DLG2: variants seen among roughly 807,000 people sequenced by gnomAD.
DLG2 encodes the protein disks large homolog 2.
In DLG2, 45 loss-of-function variants were observed where a neutral mutation model predicts 132.5. The ratio of observed to expected loss-of-function variants is 0.34; its 90% CI spans 0.27 to 0.44. The LOEUF (loss-of-function observed/expected upper bound fraction) is 0.44, where lower values mean the gene tolerates loss of function less well. Ranked by LOEUF, DLG2 falls within the 20% of genes least tolerant of loss-of-function variation. The pLI is 1.00. For synonymous variants in DLG2, 424 were observed against 419.6 expected (o/e 1.01, Z -0.13); for missense variants, 1,045 against 1,196.9 (o/e 0.87, Z 1.87).
intron 8 of DLG2, among the ~76,000 whole-genome samples, chr11:84,239,198 T>A (rs2097196258): frequency 6.6e-6 from 1 of 152,170 alleles, no homozygotes; most frequent in Non-Finnish European, 1.5e-5. Context: ...TTATTATTAT[T>A]ATTTGAGACC....
intron 3 of DLG2, among the ~76,000 whole-genome samples, chr11:85,529,821 A>G (rs916788899): frequency 1.2e-4 from 19 of 152,196 alleles, no homozygotes; most frequent in African/African-American, 4.1e-4. Flanking sequence ...ATAAAACAAC[A>G]AAGGCTCCCA....
At chr11:84,922,538 C>G (rs1289739673) in intron 6 of DLG2, among the ~76,000 whole-genome samples, 1 of 152,102 alleles carries the variant, frequency 6.6e-6, no homozygotes, top group East Asian at 1.9e-4. Context: ...ACCAGCCCAC[C>G]CAGAGCTGAC....
At chr11:84,229,254 G>GA (rs2097056095) in intron 8 of DLG2, among the ~76,000 whole-genome samples, 1 of 152,090 alleles carries the variant, frequency 6.6e-6, no homozygotes, top group Admixed American at 6.5e-5. Context: ...CACAGAGAAA[G>GA]AAAATCAATG....
intron 23 of DLG2, among the ~76,000 whole-genome samples, chr11:83,472,069 C>G (rs1006201418): frequency 6.6e-6 from 1 of 152,100 alleles, no homozygotes; most frequent in South Asian, 2.1e-4. Flanking sequence ...AGAATCCAAA[C>G]CAGCTGTTTG....
intron 14 of DLG2, among the ~76,000 whole-genome samples, chr11:83,953,999 T>A (rs2086173215): frequency 6.6e-6 from 1 of 152,244 alleles, no homozygotes; most frequent in African/African-American, 2.4e-5. Context: ...AAATTACTAT[T>A]CAAATTTTAC....
At chr11:85,150,720 G>A (rs1305201018) in intron 5 of DLG2, among the ~76,000 whole-genome samples, 1 of 150,668 alleles carries the variant, frequency 6.6e-6, no homozygotes, top group Non-Finnish European at 1.5e-5. Context: ...GTGTGTGTGT[G>A]TGTGTGTGTG....
At chr11:83,613,689 T>C (rs76490813) in intron 19 of DLG2, among the ~76,000 whole-genome samples, 2,769 of 152,256 alleles carry the variant, frequency 0.018, 100 homozygotes, top group African/African-American at 0.064. Context: ...TAGACTTCCA[T>C]GCAAGAAATC....
At chr11:84,905,238 T>C (rs2091370573) in intron 6 of DLG2, among the ~76,000 whole-genome samples, 1 of 152,208 alleles carries the variant, frequency 6.6e-6, no homozygotes, top group African/African-American at 2.4e-5. Context: ...TGGAAGTTTT[T>C]CTATCGGTTT....
At chr11:84,562,872 C>T (rs898639331) in intron 6 of DLG2, among the ~76,000 whole-genome samples, 3 of 151,948 alleles carry the variant, frequency 2.0e-5, no homozygotes, top group Admixed American at 2.0e-4. Flanking sequence ...CCTGCATCAA[C>T]CTCCAAAATA....
At chr11:83,591,017 A>G (rs2097178460) in intron 19 of DLG2, among the ~76,000 whole-genome samples, 1 of 152,172 alleles carries the variant, frequency 6.6e-6, no homozygotes, top group Admixed American at 6.5e-5. Context: ...CCAACCCAAA[A>G]GAGTCCAGGA....
chr11:83,526,599 G>A (rs186811132), intron 21 of DLG2, among the ~76,000 whole-genome samples: 6 of 152,220 alleles, frequency 3.9e-5, no homozygotes, highest in Admixed American at 3.3e-4. Flanking sequence ...AAATCAACCT[G>A]GTCTGGTTGG....
intron 6 of DLG2, among the ~76,000 whole-genome samples, chr11:85,037,006 C>G (rs141023149): frequency 1.5e-3 from 225 of 152,252 alleles, no homozygotes; most frequent in African/African-American, 5.2e-3. Flanking sequence ...ATGTGATAAA[C>G]ACTCAATAAT....
chr11:84,697,966 A>C (rs1196020096), intron 6 of DLG2, among the ~76,000 whole-genome samples: 1 of 151,532 alleles, frequency 6.6e-6, no homozygotes, highest in African/African-American at 2.4e-5. Flanking sequence ...GCTAATTTCT[A>C]TCACCAAATC....
chr11:85,002,675 G>A (rs1022942765), intron 6 of DLG2, among the ~76,000 whole-genome samples: 4 of 151,954 alleles, frequency 2.6e-5, no homozygotes, highest in Admixed American at 6.6e-5. Flanking sequence ...TACTACAGTC[G>A]ACCCTTGAAC....
intron 18 of DLG2, among the ~76,000 whole-genome samples, chr11:83,741,753 A>C (rs569430786): frequency 2.6e-5 from 4 of 152,220 alleles, no homozygotes; most frequent in Non-Finnish European, 5.9e-5. Flanking sequence ...TCATGCCTGT[A>C]ATCCCACCAC....
intron 10 of DLG2, among the ~76,000 whole-genome samples, chr11:84,072,010 C>A (rs1359274986): frequency 6.6e-6 from 1 of 152,204 alleles, no homozygotes; most frequent in Non-Finnish European, 1.5e-5. Context: ...AGGCAAAACC[C>A]TTTCTCTAAG....
At chr11:84,207,112 C>T (rs959868352) in intron 8 of DLG2, among the ~76,000 whole-genome samples, 1 of 150,898 alleles carries the variant, frequency 6.6e-6, no homozygotes, top group East Asian at 1.9e-4. Flanking sequence ...TATATGACTA[C>T]TCCTACACTG....
rs143363700 is a variant in DLG2, at chr11:85,031,514, A to G, written c.357+80147T>C. Among the ~76,000 whole-genome samples, 460 of 151,882 alleles carry G rather than the reference A, an allele frequency of 3.0e-3. 3 individuals are homozygous for G. The highest frequency in any genetic ancestry group is 0.011 in the African/African-American group (446 of 41,424). ...TTTTTTCTACTTCTTTGCTTTTGTT[A>G]TATTCTTCTTAAATATTACTTTCCT... On this transcript the variant is annotated intron_variant, in intron 6 of 27. Coordinates refer to ENST00000376104, the MANE Select transcript of DLG2 (RefSeq NM_001142699.3).
At chr11:83,901,319 T>C (rs968644012) in intron 15 of DLG2, among the ~76,000 whole-genome samples, 7 of 152,134 alleles carry the variant, frequency 4.6e-5, no homozygotes, top group African/African-American at 1.7e-4. Context: ...TGTGAAGACA[T>C]GAGATTTGGG....
Sources: gnomAD v4.1 joint callset for allele counts (sites outside exome capture counted in the v4.1 genomes callset) on GRCh38, gnomAD v4.1.1 for gene constraint, MANE v1.5 for transcripts, NCBI Gene and HGNC (gene_info 2026-07-23, HGNC 2026-07-21) for gene names.